The following HPCAL1 variants were observed in gnomAD, a reference collection of about 807,000 sequenced individuals.
The protein encoded by HPCAL1 is hippocalcin like 1.
In HPCAL1, 8 loss-of-function variants were observed where a neutral mutation model predicts 17.1. The observed-to-expected ratio is 0.47, with a 90% CI of 0.27 to 0.84. The LOEUF (loss-of-function observed/expected upper bound fraction) is 0.84. Among genes scored for constraint, HPCAL1 ranks in the 40% least tolerant of loss-of-function variants. The probability of loss-of-function intolerance (pLI) is 0.13; values close to 1 mark genes in which losing one functional copy is unlikely to be tolerated. For missense variants in HPCAL1, 165 were observed against 271.1 expected (o/e 0.61, Z 2.75); for synonymous variants, 112 against 111.4 (o/e 1.01, Z -0.03).
chr2:10,342,253 G>T lies in HPCAL1; in HGVS notation c.-111+39076G>T, dbSNP rs928579607. ...TGGGATTTAAGACAGATTTTTCCTT[G>T]CTGAGTGGTTATCATTAACCTGTTG... On this transcript the variant is annotated intron_variant, in intron 1 of 4. Coordinates refer to ENST00000307845, the MANE Select transcript of HPCAL1 (RefSeq NM_002149.4). The surrounding 1 kb of genome is among the most constrained non-coding windows in gnomAD (Gnocchi z 4.1). Among the ~76,000 whole-genome samples, 1 of 152,114 alleles carries T rather than the reference G, an allele frequency of 6.6e-6. No individual in the cohort carries two copies. The highest frequency in any genetic ancestry group is 1.5e-5 in the Non-Finnish European group (1 of 68,026).
At chr2:10,415,781 C>G (rs1048119240) in intron 2 of HPCAL1, among the ~76,000 whole-genome samples, 8 of 152,230 alleles carry the variant, frequency 5.3e-5, no homozygotes, top group Non-Finnish European at 1.0e-4. Context: ...GTGGGTGGAA[C>G]TGGCTCTGAG....
At chr2:10,401,393 G>A (rs1230338764) in intron 2 of HPCAL1, among the ~76,000 whole-genome samples, 4 of 152,160 alleles carry the variant, frequency 2.6e-5, no homozygotes, top group Non-Finnish European at 4.4e-5. Context: ...ACGATGTTTA[G>A]CAAATATCTG....
intron 1 of HPCAL1, among the ~76,000 whole-genome samples, chr2:10,322,119 A>T (rs536758677): frequency 6.6e-6 from 1 of 152,128 alleles, no homozygotes; most frequent in Admixed American, 6.5e-5. Flanking sequence ...AACTCTATGG[A>T]TTACATGTTC....
At chr2:10,356,039 T>C (rs1469629228) in intron 1 of HPCAL1, among the ~76,000 whole-genome samples, 1 of 152,186 alleles carries the variant, frequency 6.6e-6, no homozygotes, top group Non-Finnish European at 1.5e-5. Context: ...TGGTATTGAT[T>C]TGTGGGCCTT....
chr2:10,370,928 C>T (rs938223315), intron 1 of HPCAL1, among the ~76,000 whole-genome samples: 2 of 152,218 alleles, frequency 1.3e-5, no homozygotes, highest in Admixed American at 6.5e-5. Flanking sequence ...CAGAATTGGA[C>T]GTGTGACGGG....
intron 2 of HPCAL1, among the ~76,000 whole-genome samples, chr2:10,414,008 G>A (rs1290356585): frequency 1.3e-5 from 2 of 152,262 alleles, no homozygotes; most frequent in Non-Finnish European, 2.9e-5. Context: ...CCCCTCTGCT[G>A]CCCATGCAAG....
chr2:10,359,280 G>A lies in HPCAL1; in HGVS notation c.-110-37555G>A, dbSNP rs1483884090. ...TGTTTGCTGCGGGCTGGCTCGGCGA[G>A]GGGGAGGTGGGCAGCTGGGGGCTCT... is the stretch of plus-strand genomic sequence containing the variant. On this transcript the variant is annotated intron_variant, in intron 1 of 4. Coordinates refer to ENST00000307845, the MANE Select transcript of HPCAL1 (RefSeq NM_002149.4). The surrounding 1 kb of genome is among the most constrained non-coding windows in gnomAD (Gnocchi z 4.1). Among the ~76,000 whole-genome samples the A allele has an allele frequency of 1.3e-5, 2 of 152,224 alleles. No homozygotes were observed. Among genetic ancestry groups the A allele is most frequent in the African/African-American group, 2.4e-5 (1 of 41,462 alleles).
chr2:10,399,514 C>T lies in HPCAL1; in HGVS notation c.-25+2594C>T, dbSNP rs1438206999. Among the ~76,000 whole-genome samples the T allele has an allele frequency of 2.6e-4, 29 of 113,430 alleles. 1 individual carries two copies. In the East Asian group the frequency reaches 3.1e-3, roughly 12 times the overall value. The allele number at this position is 113,430 out of a possible 152,430, so 74.4% of individuals were successfully genotyped here. A position where few individuals can be genotyped will look rare whatever the true frequency, so the allele number is the denominator to read the frequency against. ...GCCACCATCACCATCACCACCACCG[C>T]CGCCACCACCGCCACTGCCACCGCC... On this transcript the variant is annotated intron_variant, in intron 2 of 4. Transcript: ENST00000307845.
At chr2:10,380,502 G>A (rs11694168) in intron 1 of HPCAL1, among the ~76,000 whole-genome samples, 27,374 of 152,162 alleles carry the variant, frequency 0.18, 3,170 homozygotes, top group East Asian at 0.49. Context: ...TTCAGGCCTA[G>A]AAAGCTGGGG....
intron 1 of HPCAL1, among the ~76,000 whole-genome samples, chr2:10,309,763 G>A (rs1446433736): frequency 2.6e-5 from 4 of 152,132 alleles, no homozygotes; most frequent in Admixed American, 2.6e-4. Context: ...TTCTCACCTT[G>A]GATCATTTTC....
At chr2:10,403,367 G>A (rs375375244) in intron 2 of HPCAL1, among the ~76,000 whole-genome samples, 2 of 150,466 alleles carry the variant, frequency 1.3e-5, no homozygotes, top group Admixed American at 6.6e-5. Flanking sequence ...AGTGAGAGCC[G>A]TCAGGGTGTG....
In HPCAL1 at chr2:10,395,399, A is replaced by G. The variant is rs1668954855; in HGVS notation, c.-110-1436A>G. 1.3e-5 allele frequency among the ~76,000 whole-genome samples: 2 copies of G among 148,804 alleles called. No individual in the cohort carries two copies. Among genetic ancestry groups the G allele is most frequent in the Admixed American group, 6.6e-5 (1 of 15,048 alleles). ...TATTTGTTGAGCACCTGCTGTGTCC[A>G]GGCTCTGGACGCATAGACGTGAAAC... On this transcript the variant is annotated intron_variant, in intron 1 of 4. Coordinates refer to ENST00000307845, the MANE Select transcript of HPCAL1 (RefSeq NM_002149.4). The surrounding 1 kb of genome is among the most constrained non-coding windows in gnomAD (Gnocchi z 4.4).
intron 3 of HPCAL1, among the ~76,000 whole-genome samples, chr2:10,422,291 C>T (rs1307697918): frequency 5.3e-5 from 8 of 152,222 alleles, no homozygotes; most frequent in African/African-American, 1.7e-4. Flanking sequence ...GCCACCTTCA[C>T]GTGGAGTGCT....
At chr2:10,403,704 AACTCCTG>A (rs1669789567) in intron 2 of HPCAL1, among the ~76,000 whole-genome samples, 1 of 151,952 alleles carries the variant, frequency 6.6e-6, no homozygotes, top group African/African-American at 2.4e-5. Context: ...GCTGGTCTTG[AACTCCTG>A]ACTTCAGGTG....
At chr2:10,316,070 T>A (rs1663295138) in intron 1 of HPCAL1, among the ~76,000 whole-genome samples, 1 of 151,972 alleles carries the variant, frequency 6.6e-6, no homozygotes, top group South Asian at 2.1e-4. Flanking sequence ...TAGTGTAGAG[T>A]TTGTTTATTA....
chr2:10,338,504 C>T (rs73161267), intron 1 of HPCAL1, among the ~76,000 whole-genome samples: 2 of 151,908 alleles, frequency 1.3e-5, no homozygotes, highest in Non-Finnish European at 2.9e-5. Flanking sequence ...CATGAGACTC[C>T]GTGAGATGAA....
At chr2:10,379,635 C>G (rs1360204961) in intron 1 of HPCAL1, among the ~76,000 whole-genome samples, 1 of 152,118 alleles carries the variant, frequency 6.6e-6, no homozygotes, top group Admixed American at 6.6e-5. Context: ...AGCAGTTCCC[C>G]CATCTGCTTT....
rs1665997994 is a variant in HPCAL1, at chr2:10,354,164, A to G, written c.-110-42671A>G. 6.6e-6 allele frequency: 1 copy of G among 151,902 alleles called. No homozygotes were observed. The highest frequency in any genetic ancestry group is 2.1e-4 in the South Asian group (1 of 4,810). The allele number at this position is 151,902 out of a possible 1,614,324, so 9.4% of individuals were successfully genotyped here. On this transcript the variant is annotated intron_variant, in intron 1 of 4. Coordinates refer to ENST00000307845, the MANE Select transcript of HPCAL1 (RefSeq NM_002149.4). This position sits in a 1 kb window ranked among gnomAD's most constrained non-coding sequence, Gnocchi z 5.1. ...AGTTCTACTGCTTAATCCTTCCTTA[A>G]CTTGCTCTTCCTGAAGCCTCAACTC...
intron 2 of HPCAL1, among the ~76,000 whole-genome samples, chr2:10,403,452 TTTTGTGTGTGTGTGTG>T (rs1210715882): frequency 0.035 from 5,022 of 144,368 alleles, 374 homozygotes; most frequent in African/African-American, 0.12. Context: ...CAAAGAGTTC[TTTTGTGTGTGTGTGTG>T]TGTGTGTGTG....
Sources: allele counts gnomAD v4.1 joint callset (sites outside exome capture counted in the v4.1 genomes callset), GRCh38; gene constraint gnomAD v4.1.1; non-coding constraint Gnocchi (gnomAD v3.1); transcripts MANE v1.5; gene names NCBI Gene and HGNC (gene_info 2026-07-23, HGNC 2026-07-21).